The following SEMA3A variants were observed in gnomAD, a reference collection of about 807,000 sequenced individuals.
The protein encoded by SEMA3A is semaphorin-3A.
A neutral mutation model predicts 97.9 loss-of-function variants in SEMA3A; 29 were observed. The observed-to-expected ratio is 0.30, with a 90% confidence interval of 0.22 to 0.40. The LOEUF is 0.40. Ranked by LOEUF, SEMA3A falls within the 10% of genes least tolerant of loss-of-function variation. The pLI is 1.00. For missense variants in SEMA3A, 763 were observed against 951.3 expected, an observed-to-expected ratio of 0.80 and a Z score of 2.60; for synonymous variants, 321 against 323.7, an observed-to-expected ratio of 0.99 and a Z score of 0.09.
chr7:84,470,649 C>T (rs1041533828), intron 1 of SEMA3A, among the ~76,000 whole-genome samples: 6 of 152,032 alleles, frequency 3.9e-5, no homozygotes, highest in African/African-American at 1.4e-4. Flanking sequence ...TACTTACTTA[C>T]TTACGGTATA....
intron 1 of SEMA3A, among the ~76,000 whole-genome samples, chr7:84,437,128 C>T (rs1355228890): frequency 2.0e-5 from 3 of 151,996 alleles, no homozygotes; most frequent in East Asian, 1.9e-4. Flanking sequence ...TTACAATAAG[C>T]GCTCTGGATT....
intron 6 of SEMA3A, among the ~76,000 whole-genome samples, chr7:84,023,781 C>T (rs1388973520): frequency 6.6e-6 from 1 of 151,850 alleles, no homozygotes; most frequent in East Asian, 1.9e-4. Flanking sequence ...GAGGCCGAGG[C>T]GGGTGGATCA....
intron 12 of SEMA3A, among the ~76,000 whole-genome samples, chr7:83,997,744 C>CTTT (rs745309176): frequency 1.4e-5 from 2 of 142,876 alleles, no homozygotes; most frequent in African/African-American, 5.1e-5. Context: ...TGAAATTTTT[C>CTTT]TTTTTTTTTT....
At chr7:84,117,488 G>A (rs1489347749) in intron 3 of SEMA3A, among the ~76,000 whole-genome samples, 1 of 152,196 alleles carries the variant, frequency 6.6e-6, no homozygotes, top group African/African-American at 2.4e-5. Context: ...AGAACAGGCT[G>A]CACAGCAGGA....
chr7:84,000,460 T>A (rs1006218575), intron 12 of SEMA3A, among the ~76,000 whole-genome samples: 1 of 152,184 alleles, frequency 6.6e-6, no homozygotes, highest in Admixed American at 6.6e-5. Flanking sequence ...GGAATGTAGC[T>A]CATTTTCAGT....
At position 83,991,489 on chromosome 7, in the gene SEMA3A, G is replaced by A. The variant is rs1029366653; in HGVS notation, c.1453-6012C>T. ...GATAGCTCTTATTATTTTGAAATAC[G>A]TCCCATCAATACCTAATTTATTGAG... On this transcript the variant is annotated intron_variant, in intron 12 of 16. Coordinates refer to ENST00000265362, the MANE Select transcript of SEMA3A (RefSeq NM_006080.3). 4.3e-3 allele frequency among the ~76,000 whole-genome samples: 647 copies of A among 150,712 alleles called. 5 individuals carry two copies. Among genetic ancestry groups the A allele is most frequent in the African/African-American group, 0.014 (592 of 41,222 alleles).
rs1053418663 is a variant in SEMA3A, at chr7:84,114,064, A to G, written c.334-3475T>C. Among the ~76,000 whole-genome samples the G allele has an allele frequency of 2.7e-4, 41 of 152,178 alleles. 1 individual carries two copies. The highest frequency in any genetic ancestry group is 8.7e-4 in the African/African-American group (36 of 41,456). On this transcript the variant is annotated intron_variant, in intron 3 of 16. Transcript: ENST00000265362. The stretch of plus-strand genomic sequence containing the variant: ...CAAACATTGCAGATATGAAGCACTG[A>G]TTAGACTGTGTTACGCAGACTTTTC...
intron 14 of SEMA3A, 76 bp from the exon 15 acceptor site, chr7:83,977,272 G>T (rs1789188970): frequency 8.5e-6 from 6 of 706,256 alleles, no homozygotes; most frequent in Admixed American, 5.2e-5. Context: ...AGAATGAAGA[G>T]AAATAAAATA....
chr7:84,339,050 C>T (rs2115979205), intron 2 of SEMA3A, among the ~76,000 whole-genome samples: 1 of 152,152 alleles, frequency 6.6e-6, no homozygotes, highest in Non-Finnish European at 1.5e-5. Context: ...TATATATATC[C>T]CATATATTGC....
intron 1 of SEMA3A, among the ~76,000 whole-genome samples, chr7:84,403,794 G>A (rs2116222286): frequency 6.6e-6 from 1 of 152,246 alleles, no homozygotes; most frequent in Non-Finnish European, 1.5e-5. Flanking sequence ...GGTCTGGAGT[G>A]GACCTCCAGT....
intron 1 of SEMA3A, among the ~76,000 whole-genome samples, chr7:84,173,449 C>T (rs1047615280): frequency 2.7e-5 from 4 of 150,790 alleles, no homozygotes; most frequent in Non-Finnish European, 4.4e-5. Context: ...ATCTCAGCTA[C>T]TCAGGAAGCT....
At chr7:84,071,567 G>C (rs1793743119) in intron 4 of SEMA3A, among the ~76,000 whole-genome samples, 1 of 151,916 alleles carries the variant, frequency 6.6e-6, no homozygotes, top group Non-Finnish European at 1.5e-5. Context: ...ATCTAAGCAG[G>C]TACAAATTTT....
At chr7:84,414,546 G>T (rs1383295606) in intron 1 of SEMA3A, among the ~76,000 whole-genome samples, 1 of 152,016 alleles carries the variant, frequency 6.6e-6, no homozygotes, top group Non-Finnish European at 1.5e-5. Context: ...CTTCTAAGAA[G>T]ACACAAATGG....
chr7:84,000,610 C>T (rs1287425250), intron 12 of SEMA3A, among the ~76,000 whole-genome samples: 1 of 152,002 alleles, frequency 6.6e-6, no homozygotes, highest in Admixed American at 6.6e-5. Context: ...CATTGTTTTA[C>T]TGATGGTGGA....
At chr7:84,149,284 C>T (rs1463924498) in intron 1 of SEMA3A, among the ~76,000 whole-genome samples, 1 of 152,138 alleles carries the variant, frequency 6.6e-6, no homozygotes, top group Non-Finnish European at 1.5e-5. Flanking sequence ...TAAATTCTTC[C>T]ATTTTGTTTC....
chr7:84,312,875 TATATA>T (rs1801365419), intron 2 of SEMA3A, among the ~76,000 whole-genome samples: 1 of 12,844 alleles, frequency 7.8e-5, no homozygotes, highest in Non-Finnish European at 1.3e-4. Context: ...TGTTGTTTTA[TATATA>T]TATATATATA....
At chr7:84,156,143 T>C (rs1424500589) in intron 1 of SEMA3A, among the ~76,000 whole-genome samples, 1 of 152,066 alleles carries the variant, frequency 6.6e-6, no homozygotes, top group Non-Finnish European at 1.5e-5. Context: ...TTTCATATCA[T>C]CCTTTAAAAT....
chr7:84,091,832 T>C (rs775510480), intron 4 of SEMA3A, among the ~76,000 whole-genome samples: 4 of 152,216 alleles, frequency 2.6e-5, no homozygotes, highest in Non-Finnish European at 4.4e-5. Flanking sequence ...GTTCTTTTTC[T>C]AACCTGCAAA....
chr7:84,270,448 ACT>A (rs967563553), intron 3 of SEMA3A, among the ~76,000 whole-genome samples: 1 of 148,680 alleles, frequency 6.7e-6, no homozygotes, highest in African/African-American at 2.5e-5. Context: ...AGTACCTCTG[ACT>A]CTTAGTTTTT....
Sources: allele counts gnomAD v4.1 joint callset (sites outside exome capture counted in the v4.1 genomes callset), GRCh38; gene constraint gnomAD v4.1.1; transcripts MANE v1.5; gene names NCBI Gene and HGNC (gene_info 2026-07-23, HGNC 2026-07-21).